CBX1: variants seen among roughly 807,000 people sequenced by gnomAD.
The protein encoded by CBX1 is chromobox 1.
Under a neutral mutation model 25.1 loss-of-function variants are expected in CBX1, and 10 were observed. That is an observed-to-expected ratio of 0.40 (90% CI 0.25 to 0.68). The LOEUF (loss-of-function observed/expected upper bound fraction) is 0.68. Among genes scored for constraint, CBX1 ranks in the 30% least tolerant of loss-of-function variants. The pLI is 0.40. For synonymous variants in CBX1, 63 were observed against 79.4 expected, an observed-to-expected ratio of 0.79 and a Z score of 1.10; for missense variants, 106 against 218.5, an observed-to-expected ratio of 0.49 and a Z score of 3.25.
At chr17:48,082,227 G>C (rs545830717) in intron 1 of CBX1, among the ~76,000 whole-genome samples, 6 of 151,890 alleles carry the variant, frequency 4.0e-5, no homozygotes, top group Non-Finnish European at 8.8e-5. Flanking sequence ...AAGAGGCTGG[G>C]CGTGGTGGCT....
intron 1 of CBX1, among the ~76,000 whole-genome samples, chr17:48,081,860 G>A (rs2037741348): frequency 6.6e-6 from 1 of 152,164 alleles, no homozygotes; most frequent in African/African-American, 2.4e-5. Context: ...TCTACATCCA[G>A]AGATACTGTA....
At chr17:48,085,295 G>A (rs1293461663) in intron 1 of CBX1, among the ~76,000 whole-genome samples, 1 of 152,174 alleles carries the variant, frequency 6.6e-6, no homozygotes, top group Non-Finnish European at 1.5e-5. Flanking sequence ...ACCAAATTTA[G>A]ATGAAATAGA....
At chr17:48,089,831 A>G (rs1382119722) in intron 1 of CBX1, among the ~76,000 whole-genome samples, 1 of 151,894 alleles carries the variant, frequency 6.6e-6, no homozygotes, top group Non-Finnish European at 1.5e-5. Context: ...CTCTAAATAA[A>G]TAAATAAATG....
intron 1 of CBX1, among the ~76,000 whole-genome samples, chr17:48,093,439 G>C (rs931232054): frequency 6.6e-6 from 1 of 152,170 alleles, no homozygotes; most frequent in Non-Finnish European, 1.5e-5. Context: ...CGCACTATAG[G>C]AGGTTGGAGG....
intron 3 of CBX1, 83 bp from the exon 4 acceptor site, chr17:48,075,183 T>C (rs1363836167): frequency 4.3e-6 from 4 of 924,906 alleles, no homozygotes; most frequent in Non-Finnish European, 6.9e-6. Context: ...CTCTGATTAA[T>C]GTAATCACAA....
intron 4 of CBX1, among the ~76,000 whole-genome samples, chr17:48,072,743 ACTGCACTCCAGC>A (rs1567762841): frequency 6.6e-6 from 1 of 152,002 alleles, no homozygotes; most frequent in Non-Finnish European, 1.5e-5. Flanking sequence ...AGATCATGCC[ACTGCACTCCAGC>A]CTGGGCGACA....
chr17:48,071,198 G>T lies in CBX1; in HGVS notation c.*237C>A. 1 of 367,660 alleles carries T rather than the reference G, an allele frequency of 2.7e-6. No homozygotes were observed. Among genetic ancestry groups the T allele is most frequent in the South Asian group, 7.8e-5 (1 of 12,820 alleles). The allele number at this position is 367,660 out of a possible 1,614,324, so 22.8% of individuals were successfully genotyped here. ...GGCCCTTTGCTTTTCGCAGCAAAGT[G>T]CAGAAAAGGTTGCCTTGAAACACTT... On this transcript the variant is annotated 3_prime_UTR_variant, in exon 5 of 5. Coordinates refer to ENST00000225603, the MANE Select transcript of CBX1 (RefSeq NM_001127228.2).
intron 1 of CBX1, chr17:48,100,879 G>C: frequency 1.0e-6 from 1 of 985,688 alleles, no homozygotes; most frequent in Non-Finnish European, 1.2e-6. Context: ...CAAACCTCGG[G>C]TTGTGCGGTC....
At chr17:48,094,114 C>CA (rs11459504) in intron 1 of CBX1, among the ~76,000 whole-genome samples, 24,824 of 50,762 alleles carry the variant, frequency 0.49, 6,685 homozygotes, top group African/African-American at 0.55. Flanking sequence ...AACTCTGTCT[C>CA]AAAAAAAAAA....
intron 1 of CBX1, chr17:48,088,913 T>G (rs1007349451): frequency 3.3e-5 from 5 of 151,382 alleles, no homozygotes; most frequent in African/African-American, 9.7e-5. Context: ...GTTTTGACAT[T>G]GGCAGCGAGC....
At chr17:48,077,826 C>A (rs1352559694) in intron 1 of CBX1, among the ~76,000 whole-genome samples, 1 of 152,040 alleles carries the variant, frequency 6.6e-6, no homozygotes. Flanking sequence ...CACAAAAAAA[C>A]CGTTGTAAAA....
chr17:48,072,566 T>A (rs2037635025), intron 4 of CBX1, among the ~76,000 whole-genome samples: 1 of 151,524 alleles, frequency 6.6e-6, no homozygotes, highest in South Asian at 2.1e-4. Context: ...GGCAGGTGGA[T>A]CACGAGGTCA....
At chr17:48,073,528 G>A (rs2037645383) in intron 4 of CBX1, among the ~76,000 whole-genome samples, 1 of 152,104 alleles carries the variant, frequency 6.6e-6, no homozygotes, top group South Asian at 2.1e-4. Context: ...GTTTTAACCT[G>A]TAGACAGCAG....
At chr17:48,099,618 C>T (rs1403831076) in intron 1 of CBX1, among the ~76,000 whole-genome samples, 1 of 152,120 alleles carries the variant, frequency 6.6e-6, no homozygotes, top group Non-Finnish European at 1.5e-5. Context: ...ATTAATTTCC[C>T]CATTGTATTC....
intron 1 of CBX1, among the ~76,000 whole-genome samples, chr17:48,079,122 T>C (rs2144437442): frequency 6.7e-6 from 1 of 149,212 alleles, no homozygotes; most frequent in Non-Finnish European, 1.5e-5. Flanking sequence ...CACCTCCCCC[T>C]CTTTGAGATG....
At chr17:48,078,195 ATTTGT>A (rs907868283) in intron 1 of CBX1, among the ~76,000 whole-genome samples, 1 of 151,052 alleles carries the variant, frequency 6.6e-6, no homozygotes, top group African/African-American at 2.4e-5. Flanking sequence ...CTGGATTTGA[ATTTGT>A]TTTTTTTTTT....
At chr17:48,094,738 GA>G (rs35959502) in intron 1 of CBX1, among the ~76,000 whole-genome samples, 30,610 of 119,188 alleles carry the variant, frequency 0.26, 3,431 homozygotes, top group South Asian at 0.36. Flanking sequence ...TGTCTCAAAG[GA>G]AAAAAAAAAA....
At chr17:48,094,738 G>GAAAA (rs35959502) in intron 1 of CBX1, among the ~76,000 whole-genome samples, 1 of 119,338 alleles carries the variant, frequency 8.4e-6, no homozygotes, top group Non-Finnish European at 1.8e-5. Context: ...TGTCTCAAAG[G>GAAAA]AAAAAAAAAA....
In CBX1 at chr17:48,087,939, C is replaced by T. The variant is rs545233795; in HGVS notation, c.-37-10898G>A. Among the ~76,000 whole-genome samples the T allele has an allele frequency of 6.6e-5, 10 of 151,332 alleles. No homozygotes were observed. In the East Asian group the frequency reaches 1.2e-3, roughly 18 times the overall value. The stretch of plus-strand genomic sequence containing the variant: ...CAGATGCCTAGACCCCACTCCACAG[C>T]GAATACATGAGGAAGTGGTGTTTTT... On this transcript the variant is annotated intron_variant, in intron 1 of 4. Coordinates refer to ENST00000225603, the MANE Select transcript of CBX1 (RefSeq NM_001127228.2).
Sources: gnomAD v4.1 joint callset for allele counts (sites outside exome capture counted in the v4.1 genomes callset) on GRCh38, gnomAD v4.1.1 for gene constraint, MANE v1.5 for transcripts, NCBI Gene and HGNC (gene_info 2026-07-23, HGNC 2026-07-21) for gene names.